Variants in CDYL2 observed in about 807,000 individuals in gnomAD.
CDYL2 encodes chromodomain Y-like protein 2.
Under a neutral mutation model 49.4 loss-of-function variants are expected in CDYL2, and 23 were observed. The ratio of observed to expected loss-of-function variants is 0.47; its 90% CI spans 0.34 to 0.66. The LOEUF (loss-of-function observed/expected upper bound fraction) is 0.66. Ranked by LOEUF, CDYL2 falls within the 30% of genes least tolerant of loss-of-function variation. The pLI, the probability that CDYL2 is intolerant of heterozygous loss-of-function variation, is 0.01. For missense variants in CDYL2, 678 were observed against 656.4 expected, an observed-to-expected ratio of 1.03 and a Z score of -0.36; for synonymous variants, 360 against 268.8, an observed-to-expected ratio of 1.34 and a Z score of -3.32.
At chr16:80,620,566 C>T (rs1017753860) in intron 4 of CDYL2, among the ~76,000 whole-genome samples, 197 bp downstream of exon 4, 1 of 152,112 alleles carries the variant, frequency 6.6e-6, no homozygotes, top group Non-Finnish European at 1.5e-5. Context: ...ATATAGGATG[C>T]CCAATTAAAA....
chr16:80,787,731 G>A (rs1374416363), intron 1 of CDYL2, among the ~76,000 whole-genome samples: 1 of 152,090 alleles, frequency 6.6e-6, no homozygotes, highest in Non-Finnish European at 1.5e-5. Flanking sequence ...CCTGTCATCA[G>A]GTGGTGAAAA....
chr16:80,716,313 C>T (rs1259444968), intron 1 of CDYL2, among the ~76,000 whole-genome samples: 2 of 152,156 alleles, frequency 1.3e-5, no homozygotes, highest in African/African-American at 4.8e-5. Flanking sequence ...ATCACAAGAG[C>T]AGGATACATG....
At chr16:80,761,391 G>T (rs146582359) in intron 1 of CDYL2, among the ~76,000 whole-genome samples, 16 of 152,284 alleles carry the variant, frequency 1.1e-4, no homozygotes, top group Non-Finnish European at 1.8e-4. Context: ...TTCATCAAAC[G>T]GTTGTTGTAA....
At chr16:80,701,229 T>A (rs990911358) in intron 1 of CDYL2, among the ~76,000 whole-genome samples, 1 of 152,220 alleles carries the variant, frequency 6.6e-6, no homozygotes, top group African/African-American at 2.4e-5. Context: ...TACAGTATGA[T>A]CCCATTTATG....
chr16:80,643,793 A>T (rs532409797), intron 2 of CDYL2, among the ~76,000 whole-genome samples: 1 of 152,326 alleles, frequency 6.6e-6, no homozygotes, highest in East Asian at 1.9e-4. Flanking sequence ...ACACAGCAAC[A>T]GGACCCCGGG....
intron 1 of CDYL2, among the ~76,000 whole-genome samples, chr16:80,736,828 A>G (rs932928518): frequency 6.6e-6 from 1 of 152,154 alleles, no homozygotes; most frequent in Non-Finnish European, 1.5e-5. Flanking sequence ...TGTACGAACC[A>G]CTTGACTTGG....
At chr16:80,705,316 C>A (rs1196500602) in intron 1 of CDYL2, among the ~76,000 whole-genome samples, 1 of 152,236 alleles carries the variant, frequency 6.6e-6, no homozygotes, top group Non-Finnish European at 1.5e-5. Flanking sequence ...AGATTCCTGT[C>A]TTCACTCTGG....
At chr16:80,783,383 G>A (rs560838272) in intron 1 of CDYL2, among the ~76,000 whole-genome samples, 11 of 152,278 alleles carry the variant, frequency 7.2e-5, no homozygotes, top group African/African-American at 2.4e-4. Context: ...TGGCAAGGAC[G>A]CAAACTAAAA....
intron 1 of CDYL2, chr16:80,742,280 G>T (rs958901208): frequency 2.2e-4 from 33 of 152,164 alleles, no homozygotes; most frequent in African/African-American, 7.7e-4. Context: ...CCAACAACAA[G>T]GATTGATTAA....
intron 2 of CDYL2, among the ~76,000 whole-genome samples, chr16:80,633,811 A>G (rs1907686943): frequency 6.6e-6 from 1 of 152,214 alleles, no homozygotes; most frequent in Admixed American, 6.5e-5. Context: ...CTCGCAAATC[A>G]ATTACAATGG....
At chr16:80,633,284 C>G (rs372023433) in intron 2 of CDYL2, 48 bp from the exon 3 acceptor site, 2 of 1,570,890 alleles carry the variant, frequency 1.3e-6, no homozygotes, top group Non-Finnish European at 1.7e-6. Flanking sequence ...GGACCACGAT[C>G]CTAGAAGGAT....
At chr16:80,746,734 G>A (rs1905945143) in intron 1 of CDYL2, among the ~76,000 whole-genome samples, 1 of 152,138 alleles carries the variant, frequency 6.6e-6, no homozygotes, top group South Asian at 2.1e-4. Flanking sequence ...GGACACCAGT[G>A]AGGCTGCAGG....
intron 2 of CDYL2, among the ~76,000 whole-genome samples, chr16:80,672,177 C>T (rs999672408): frequency 1.3e-5 from 2 of 152,104 alleles, no homozygotes; most frequent in Non-Finnish European, 2.9e-5. Context: ...GGACATTCAA[C>T]CTGTATATCC....
chr16:80,736,148 C>T (rs755395373), intron 1 of CDYL2, among the ~76,000 whole-genome samples: 92 of 152,354 alleles, frequency 6.0e-4, no homozygotes, highest in Non-Finnish European at 7.8e-4. Flanking sequence ...ACCTCCATCT[C>T]GTGGGTTGTT....
chr16:80,604,275 C>T lies in CDYL2; in HGVS notation c.*113G>A. On this transcript the variant is annotated 3_prime_UTR_variant, in exon 7 of 7. Coordinates refer to ENST00000570137, the MANE Select transcript of CDYL2 (RefSeq NM_152342.4). ...AAAGGACACGAGGAAATGGACACAACCCTACGTATAAAGAGACACCTTGAC... is the reference window on the plus strand; with the variant it reads ...AAAGGACACGAGGAAATGGACACAATCCTACGTATAAAGAGACACCTTGAC... The T allele has an allele frequency of 8.6e-7, 1 of 1,168,678 alleles. No individual in the cohort carries two copies. Among genetic ancestry groups the T allele is most frequent in the Non-Finnish European group, 1.2e-6 (1 of 808,914 alleles). 72.4% of individuals were successfully genotyped at this position (1,168,678 alleles called of 1,614,324 possible). A position where few individuals can be genotyped will look rare whatever the true frequency, so the allele number is the denominator to read the frequency against.
chr16:80,710,455 G>C (rs1013064866), intron 1 of CDYL2, among the ~76,000 whole-genome samples: 4 of 152,182 alleles, frequency 2.6e-5, no homozygotes, highest in Admixed American at 6.5e-5. Context: ...ACAGAAAGAT[G>C]ATGTGCACTA....
chr16:80,724,368 A>G (rs994837024), intron 1 of CDYL2, among the ~76,000 whole-genome samples: 3 of 151,952 alleles, frequency 2.0e-5, no homozygotes, highest in Non-Finnish European at 4.4e-5. Context: ...GACCTAGAGA[A>G]ATTATTTCTG....
chr16:80,743,169 T>G (rs1452452940), intron 1 of CDYL2, among the ~76,000 whole-genome samples: 1 of 152,162 alleles, frequency 6.6e-6, no homozygotes, highest in East Asian at 1.9e-4. Context: ...AACTTCATGG[T>G]AGGCAAACCT....
At chr16:80,656,003 C>A (rs531411503) in intron 2 of CDYL2, among the ~76,000 whole-genome samples, 1 of 152,214 alleles carries the variant, frequency 6.6e-6, no homozygotes, top group African/African-American at 2.4e-5. Context: ...CCCAGCCCTA[C>A]ATTTGCTAAT....
Sources: gnomAD v4.1 joint callset for allele counts (sites outside exome capture counted in the v4.1 genomes callset) on GRCh38, gnomAD v4.1.1 for gene constraint, MANE v1.5 for transcripts, NCBI Gene and HGNC (gene_info 2026-07-23, HGNC 2026-07-21) for gene names.